Variants in DPYSL5 observed in about 807,000 individuals in gnomAD.
The protein encoded by DPYSL5 is dihydropyrimidinase-related protein 5.
In DPYSL5, 9 loss-of-function variants were observed where a neutral mutation model predicts 58.4. That is an observed-to-expected ratio of 0.15 (90% CI 0.09 to 0.27). The LOEUF is 0.27. Ranked by LOEUF, DPYSL5 falls within the 10% of genes least tolerant of loss-of-function variation. The pLI, the probability that DPYSL5 is intolerant of heterozygous loss-of-function variation, is 1.00. For synonymous variants in DPYSL5, 293 were observed against 301.9 expected, an observed-to-expected ratio of 0.97 and a Z score of 0.31; for missense variants, 499 against 770.6, an observed-to-expected ratio of 0.65 and a Z score of 4.17.
chr2:26,894,836 G>A (rs1200042063), intron 1 of DPYSL5, among the ~76,000 whole-genome samples: 1 of 152,204 alleles, frequency 6.6e-6, no homozygotes, highest in Admixed American at 6.5e-5. Context: ...CAAAGCAGAG[G>A]TCAAGATCTT....
chr2:26,909,097 C>T (rs1039054048), intron 2 of DPYSL5, among the ~76,000 whole-genome samples: 13 of 152,184 alleles, frequency 8.5e-5, no homozygotes, highest in African/African-American at 3.1e-4. Context: ...CAGATCATCT[C>T]CCCTGGATAG....
intron 3 of DPYSL5, among the ~76,000 whole-genome samples, chr2:26,926,180 T>C (rs1328324627): frequency 1.3e-5 from 2 of 152,228 alleles, no homozygotes; most frequent in African/African-American, 4.8e-5. Flanking sequence ...AGCCTTGAGC[T>C]GGGGGCTCAC....
intron 1 of DPYSL5, among the ~76,000 whole-genome samples, chr2:26,875,775 G>T (rs1408880377): frequency 6.6e-6 from 1 of 152,152 alleles, no homozygotes; most frequent in East Asian, 1.9e-4. Flanking sequence ...ATAGATGGGG[G>T]ATAAATTGTA....
chr2:26,860,596 C>T (rs774688434), intron 1 of DPYSL5, among the ~76,000 whole-genome samples: 1 of 152,194 alleles, frequency 6.6e-6, no homozygotes, highest in Non-Finnish European at 1.5e-5. Context: ...GCTGTTATTG[C>T]AGCACTATTT....
At position 26,924,685 on chromosome 2, in the gene DPYSL5, C is replaced by T. The variant is rs1664784499; in HGVS notation, c.262-202C>T. 6.6e-6 allele frequency among the ~76,000 whole-genome samples: 1 copy of T among 152,080 alleles called. No individual in the cohort carries two copies. Among genetic ancestry groups the T allele is most frequent in the Non-Finnish European group, 1.5e-5 (1 of 68,020 alleles). On this transcript the variant is annotated intron_variant, in intron 2 of 12. Transcript: ENST00000288699. The surrounding 1 kb of genome is among the most constrained non-coding windows in gnomAD (Gnocchi z 4.7). The stretch of plus-strand genomic sequence containing the variant: ...GGAGGAAGAAGCAGGTTTGGGGACC[C>T]GTGGTCATGATGAAGGTCGCGCTGG...
intron 1 of DPYSL5, among the ~76,000 whole-genome samples, chr2:26,858,648 C>T (rs924157549): frequency 6.6e-6 from 1 of 151,226 alleles, no homozygotes; most frequent in East Asian, 1.9e-4. Context: ...GGGGCAGCCT[C>T]GATTTCCCAG....
chr2:26,939,734 A>G, intron 8 of DPYSL5: 1 of 324,744 alleles, frequency 3.1e-6, no homozygotes, highest in Non-Finnish European at 5.8e-6. Flanking sequence ...CACTTCAGCT[A>G]GACTCTAAGT....
rs1665398796 is a variant in DPYSL5 at position 26,944,098 on chromosome 2, G to T, written c.1441-558G>T. Among the ~76,000 whole-genome samples the T allele has an allele frequency of 6.6e-6, 1 of 152,090 alleles. No homozygotes were observed. Among genetic ancestry groups the T allele is most frequent in the Non-Finnish European group, 1.5e-5 (1 of 68,024 alleles). On this transcript the variant is annotated intron_variant, in intron 11 of 12. Coordinates refer to ENST00000288699, the MANE Select transcript of DPYSL5 (RefSeq NM_020134.4). This position sits in a 1 kb window ranked among gnomAD's most constrained non-coding sequence, Gnocchi z 4.4. ...CGAGGTCAGGAGTTCAAGACCAGCT[G>T]GCCAAGATGGTGAAACCCCGTCTCT...
At chr2:26,855,225 C>G (rs946202152) in intron 1 of DPYSL5, among the ~76,000 whole-genome samples, 4 of 150,884 alleles carry the variant, frequency 2.7e-5, no homozygotes, top group African/African-American at 9.7e-5. Flanking sequence ...GTCAGGAGTT[C>G]GAGACCAGCC....
At chr2:26,887,643 C>T (rs372234651) in intron 1 of DPYSL5, among the ~76,000 whole-genome samples, 79 of 152,296 alleles carry the variant, frequency 5.2e-4, no homozygotes, top group African/African-American at 1.7e-3. Context: ...GGAACTACTC[C>T]ACAAAAGTAA....
Position 26,942,540 on chromosome 2 carries a change from C to T in DPYSL5, c.1233-3C>T. The T allele has an allele frequency of 1.2e-6, 2 of 1,613,556 alleles. No homozygotes were observed. Among genetic ancestry groups the T allele is most frequent in the Non-Finnish European group, 1.7e-6 (2 of 1,179,768 alleles). On this transcript the variant is annotated splice_region_variant and splice_polypyrimidine_tract_variant and intron_variant, in intron 10 of 12. Coordinates refer to ENST00000288699, the MANE Select transcript of DPYSL5 (RefSeq NM_020134.4). The surrounding 1 kb of genome is among the most constrained non-coding windows in gnomAD (Gnocchi z 5.9). Reference sequence around the variant, plus strand: ...TTCTCTCCCGCCATTGCCTCCCCACCAGGACCATCTCAGCCAGCACGCAGG... The same window carrying T: ...TTCTCTCCCGCCATTGCCTCCCCACTAGGACCATCTCAGCCAGCACGCAGG...
In DPYSL5 at chr2:26,927,906, A is replaced by AG. The variant is rs1298540381; in HGVS notation, c.601-348dup. On this transcript the variant is annotated intron_variant, in intron 4 of 12. Transcript: ENST00000288699. This position sits in a 1 kb window ranked among gnomAD's most constrained non-coding sequence, Gnocchi z 4.3. ...AAGGGCTAGCCTAGCAGTTGCTGGAAGCTAGAGCTTAGTCTCGATTTCCAG... is the reference window on the plus strand; with the variant it reads ...AAGGGCTAGCCTAGCAGTTGCTGGAAGGCTAGAGCTTAGTCTCGATTTCCAG... 2.0e-5 allele frequency among the ~76,000 whole-genome samples: 3 copies of AG among 152,198 alleles called. No individual in the cohort carries two copies. Among genetic ancestry groups the AG allele is most frequent in the African/African-American group, 7.2e-5 (3 of 41,454 alleles).
In DPYSL5 at chr2:26,947,801, A is replaced by C. The variant is rs1445943386; in HGVS notation, c.*806A>C. 2 of 152,768 alleles carry C rather than the reference A, an allele frequency of 1.3e-5. No individual in the cohort carries two copies. Among genetic ancestry groups the C allele is most frequent in the Admixed American group, 6.5e-5 (1 of 15,278 alleles). The allele number at this position is 152,768 out of a possible 1,614,324, so 9.5% of individuals were successfully genotyped here. On this transcript the variant is annotated 3_prime_UTR_variant, in exon 13 of 13. Transcript: ENST00000288699. This position sits in a 1 kb window ranked among gnomAD's most constrained non-coding sequence, Gnocchi z 4.2. ...AGATGTGGTCCTTAGGAGACGCTGC[A>C]CTTGACACCAACCAGACAGCACAGG...
At position 26,905,817 on chromosome 2, in the gene DPYSL5, T is replaced by C. The variant is rs995704931; in HGVS notation, c.261+7057T>C. 6.6e-6 allele frequency among the ~76,000 whole-genome samples: 1 copy of C among 152,190 alleles called. No individual in the cohort carries two copies. Among genetic ancestry groups the C allele is most frequent in the African/African-American group, 2.4e-5 (1 of 41,442 alleles). The stretch of plus-strand genomic sequence containing the variant: ...TAACTAATTGCCTCAAGTTCAGCAA[T>C]TTAAAACACCCATTTATTAACTCAC... On this transcript the variant is annotated intron_variant, in intron 2 of 12. Transcript: ENST00000288699. The surrounding 1 kb of genome is among the most constrained non-coding windows in gnomAD (Gnocchi z 4.0).
At chr2:26,932,937 C>A (rs549982028) in intron 6 of DPYSL5, among the ~76,000 whole-genome samples, 2 of 152,116 alleles carry the variant, frequency 1.3e-5, no homozygotes, top group Admixed American at 1.3e-4. Context: ...AAAGAGTTCC[C>A]CCCTTTTAAA....
rs1472437257 is a variant in DPYSL5 at position 26,934,143 on chromosome 2, CCCTCCCTGT to C, written c.791-431_791-423del. Among the ~76,000 whole-genome samples the C allele has an allele frequency of 6.6e-6, 1 of 152,196 alleles. No homozygotes were observed. The highest frequency in any genetic ancestry group is 2.4e-5 in the African/African-American group (1 of 41,446). ...TCCCTGTCCTCCAGCCCTGCTACGG[CCCTCCCTGT>C]CCTACCACAACCGTTCTCTTGAAGC... On this transcript the variant is annotated intron_variant, in intron 7 of 12. Transcript: ENST00000288699. The surrounding 1 kb of genome is among the most constrained non-coding windows in gnomAD (Gnocchi z 4.3).
chr2:26,912,020 C>T (rs1404316809), intron 2 of DPYSL5, among the ~76,000 whole-genome samples: 1 of 152,252 alleles, frequency 6.6e-6, no homozygotes, highest in Non-Finnish European at 1.5e-5. Context: ...TGCGTGGCAG[C>T]ACATGGTTCT....
intron 1 of DPYSL5, among the ~76,000 whole-genome samples, chr2:26,861,572 G>A (rs757120762): frequency 1.3e-5 from 2 of 152,232 alleles, no homozygotes; most frequent in Admixed American, 6.5e-5. Flanking sequence ...GGTGCAGAGA[G>A]AATGGTGATT....
chr2:26,885,789 G>A (rs550733907), intron 1 of DPYSL5, among the ~76,000 whole-genome samples: 1 of 152,302 alleles, frequency 6.6e-6, no homozygotes, highest in South Asian at 2.1e-4. Context: ...GGAAGAAAGG[G>A]GACCTGCCCT....
Sources: allele counts gnomAD v4.1 joint callset (sites outside exome capture counted in the v4.1 genomes callset), GRCh38; gene constraint gnomAD v4.1.1; non-coding constraint Gnocchi (gnomAD v3.1); transcripts MANE v1.5; gene names NCBI Gene and HGNC (gene_info 2026-07-23, HGNC 2026-07-21).